The following THRB variants were observed in gnomAD, a reference collection of about 807,000 sequenced individuals.
THRB encodes the protein thyroid hormone receptor beta.
Under a neutral mutation model 47.8 loss-of-function variants are expected in THRB, and 12 were observed. The ratio of observed to expected loss-of-function variants is 0.25; its 90% confidence interval spans 0.16 to 0.41. The LOEUF (loss-of-function observed/expected upper bound fraction) is 0.41, where lower values mean the gene tolerates loss of function less well. THRB is among the 10% of genes least tolerant of loss of function. THRB has a pLI of 1.00. For synonymous variants in THRB, 218 were observed against 212.2 expected (o/e 1.03, Z -0.24); for missense variants, 348 against 589.2 (o/e 0.59, Z 4.24).
intron 2 of THRB, among the ~76,000 whole-genome samples, chr3:24,300,073 TC>T (rs926961916): frequency 6.6e-6 from 1 of 152,036 alleles, no homozygotes; most frequent in Non-Finnish European, 1.5e-5. Flanking sequence ...AACAATATTT[TC>T]CCTATGCCTG....
intron 1 of THRB, among the ~76,000 whole-genome samples, chr3:24,358,988 G>C (rs978891373): frequency 6.6e-6 from 1 of 152,140 alleles, no homozygotes; most frequent in African/African-American, 2.4e-5. Flanking sequence ...GAATGAATGT[G>C]ACTCTTATAC....
chr3:24,330,231 C>T (rs1215531261), intron 2 of THRB, among the ~76,000 whole-genome samples: 3 of 152,016 alleles, frequency 2.0e-5, no homozygotes, highest in Non-Finnish European at 2.9e-5. Context: ...GGCGTGAACC[C>T]GGGAAGCGGA....
intron 1 of THRB, among the ~76,000 whole-genome samples, chr3:24,442,820 G>T (rs1457676744): frequency 5.5e-5 from 5 of 90,980 alleles, no homozygotes; most frequent in African/African-American, 2.1e-4. Flanking sequence ...GTGAAACTCC[G>T]TCTCAAAAAA....
intron 1 of THRB, among the ~76,000 whole-genome samples, chr3:24,394,545 C>T (rs1256860256): frequency 2.6e-5 from 4 of 152,042 alleles, no homozygotes; most frequent in Admixed American, 6.6e-5. Flanking sequence ...AGGGATGCTT[C>T]GTCTGCTTTT....
At chr3:24,305,059 C>G (rs1433951254) in intron 2 of THRB, among the ~76,000 whole-genome samples, 2 of 152,142 alleles carry the variant, frequency 1.3e-5, no homozygotes, top group Non-Finnish European at 2.9e-5. Context: ...TTCCATTTAA[C>G]TCTTAAAGAA....
intron 2 of THRB, among the ~76,000 whole-genome samples, chr3:24,335,696 A>C (rs977973609): frequency 6.6e-6 from 1 of 152,190 alleles, no homozygotes; most frequent in Non-Finnish European, 1.5e-5. Flanking sequence ...TTTGATTCTT[A>C]CCACCACAGA....
rs1444494858 is a variant in THRB at position 24,248,901 on chromosome 3, C to T, written c.-42-19900G>A. ...GCTACTTCTTGCAATTGGGTTCCCT[C>T]AGTGTTCCTTTTTGCTCTTTTAGTG... On this transcript the variant is annotated intron_variant, in intron 3 of 10. Coordinates refer to ENST00000646209, the MANE Select transcript of THRB (RefSeq NM_001354712.2). 2.0e-5 allele frequency among the ~76,000 whole-genome samples: 3 copies of T among 152,180 alleles called. No individual in the cohort carries two copies. In the East Asian group the frequency reaches 5.8e-4, roughly 29 times the overall value.
chr3:24,218,654 T>C (rs1180462610), intron 4 of THRB, among the ~76,000 whole-genome samples: 1 of 152,128 alleles, frequency 6.6e-6, no homozygotes, highest in African/African-American at 2.4e-5. Context: ...ATGGCTGTTG[T>C]ATGTTGTGCC....
chr3:24,182,180 G>A (rs551015297), intron 5 of THRB, among the ~76,000 whole-genome samples: 5 of 152,100 alleles, frequency 3.3e-5, no homozygotes, highest in East Asian at 1.9e-4. Flanking sequence ...CAGCCTGGGC[G>A]ACAGAGTGAG....
intron 1 of THRB, among the ~76,000 whole-genome samples, chr3:24,464,170 C>T (rs1055493532): frequency 4.0e-5 from 6 of 150,834 alleles, no homozygotes; most frequent in East Asian, 2.0e-4. Context: ...GGCGTGAACC[C>T]GGGAGGCGGA....
chr3:24,482,053 C>G (rs1240030432), intron 1 of THRB, among the ~76,000 whole-genome samples: 3 of 152,150 alleles, frequency 2.0e-5, no homozygotes, highest in Non-Finnish European at 4.4e-5. Flanking sequence ...CAATTTAAAA[C>G]TAACTAAAGA....
At chr3:24,144,229 C>T (rs2035811395) in intron 7 of THRB, 1 of 177,906 alleles carries the variant, frequency 5.6e-6, no homozygotes, top group South Asian at 1.3e-4. Context: ...GAAAAAGGAC[C>T]CCAACTCTTC....
At position 24,122,796 on chromosome 3, in the gene THRB, A is replaced by G; in HGVS notation, c.*88T>C. The stretch of plus-strand genomic sequence containing the variant: ...TCCCTCCCAAATAATCCCTCCCAAC[A>G]CAAAGAAACAAACAAAAAAGAGCTA... On this transcript the variant is annotated 3_prime_UTR_variant, in exon 11 of 11. Coordinates refer to ENST00000646209, the MANE Select transcript of THRB (RefSeq NM_001354712.2). The G allele has an allele frequency of 8.8e-6, 14 of 1,589,888 alleles. No individual in the cohort carries two copies. The highest frequency in any genetic ancestry group is 1.2e-5 in the Non-Finnish European group (14 of 1,158,886).
At chr3:24,305,883 A>G (rs1213075368) in intron 2 of THRB, among the ~76,000 whole-genome samples, 1 of 152,158 alleles carries the variant, frequency 6.6e-6, no homozygotes, top group African/African-American at 2.4e-5. Context: ...GTGCCTTGGC[A>G]TCTCCTACTA....
At chr3:24,180,909 T>G (rs2041813636) in intron 5 of THRB, among the ~76,000 whole-genome samples, 1 of 152,182 alleles carries the variant, frequency 6.6e-6, no homozygotes, top group African/African-American at 2.4e-5. Context: ...AAAGCCTCCC[T>G]GCCCTGGAGA....
At chr3:24,407,395 C>CA (rs1301746085) in intron 1 of THRB, among the ~76,000 whole-genome samples, 1 of 151,656 alleles carries the variant, frequency 6.6e-6, no homozygotes, top group Admixed American at 6.6e-5. Flanking sequence ...ATGCGCGATT[C>CA]ATTCCCAAAC....
intron 1 of THRB, among the ~76,000 whole-genome samples, chr3:24,436,691 A>C (rs1231949450): frequency 6.6e-6 from 1 of 152,196 alleles, no homozygotes; most frequent in East Asian, 1.9e-4. Context: ...ATTTCTATGC[A>C]TAGAGCACAC....
intron 1 of THRB, among the ~76,000 whole-genome samples, chr3:24,342,281 A>G (rs1054649480): frequency 6.6e-6 from 1 of 152,218 alleles, no homozygotes; most frequent in African/African-American, 2.4e-5. Context: ...TTAAGTATTT[A>G]AACAGAAAGA....
At chr3:24,130,204 A>T (rs904203760) in intron 9 of THRB, among the ~76,000 whole-genome samples, 2 of 152,174 alleles carry the variant, frequency 1.3e-5, no homozygotes, top group Non-Finnish European at 2.9e-5. Flanking sequence ...ACACGATATC[A>T]GGGTAGAAGG....
Sources: gnomAD v4.1 joint callset for allele counts (sites outside exome capture counted in the v4.1 genomes callset) on GRCh38, gnomAD v4.1.1 for gene constraint, MANE v1.5 for transcripts, NCBI Gene and HGNC (gene_info 2026-07-23, HGNC 2026-07-21) for gene names.